The following PIGK variants were observed in gnomAD, a reference collection of about 807,000 sequenced individuals.
PIGK encodes the protein phosphatidylinositol glycan anchor biosynthesis class K.
In PIGK, 42 loss-of-function variants were observed where a neutral mutation model predicts 50.6. The ratio of observed to expected loss-of-function variants is 0.83; its 90% CI spans 0.65 to 1.07. The LOEUF (loss-of-function observed/expected upper bound fraction) is 1.07, where lower values mean the gene tolerates loss of function less well. PIGK is among the 50% of genes least tolerant of loss of function. PIGK has a pLI of 0.00. For synonymous variants in PIGK, 151 were observed against 156.0 expected (o/e 0.97, Z 0.24); for missense variants, 448 against 488.7 (o/e 0.92, Z 0.78).
intron 6 of PIGK, among the ~76,000 whole-genome samples, chr1:77,163,609 T>C (rs547214297): frequency 2.6e-5 from 4 of 152,254 alleles, no homozygotes; most frequent in Non-Finnish European, 5.9e-5. Context: ...CTAAAAAAGA[T>C]GCTAAATAAC....
intron 9 of PIGK, among the ~76,000 whole-genome samples, chr1:77,151,525 C>T (rs1408716653): frequency 6.6e-6 from 1 of 152,058 alleles, no homozygotes; most frequent in Middle Eastern, 3.4e-3. Context: ...AGAAATAAGG[C>T]GTGTCCAAAT....
chr1:77,115,351 G>A (rs1384764190), intron 10 of PIGK, among the ~76,000 whole-genome samples: 1 of 152,054 alleles, frequency 6.6e-6, no homozygotes, highest in Non-Finnish European at 1.5e-5. Context: ...GGCAGAGACT[G>A]CAAATAATTC....
At chr1:77,115,880 A>G (rs1032499262) in intron 10 of PIGK, among the ~76,000 whole-genome samples, 2 of 152,132 alleles carry the variant, frequency 1.3e-5, no homozygotes, top group Non-Finnish European at 2.9e-5. Context: ...AAAAATAGAA[A>G]TCTTGCAACG....
chr1:77,204,896 T>C (rs192975844), intron 3 of PIGK, among the ~76,000 whole-genome samples: 38 of 152,350 alleles, frequency 2.5e-4, no homozygotes, highest in African/African-American at 7.9e-4. Context: ...TATTGATTTC[T>C]ATTTATTAAA....
At chr1:77,161,794 T>A (rs1655134852) in intron 6 of PIGK, 83 bp from the exon 7 acceptor site, 1 of 721,272 alleles carries the variant, frequency 1.4e-6, no homozygotes, top group Non-Finnish European at 2.5e-6. Flanking sequence ...TTGTAAGATG[T>A]TTAAATCATA....
In PIGK at chr1:77,219,407, A is replaced by T. The variant is rs776826885; in HGVS notation, c.-5T>A. On this transcript the variant is annotated 5_prime_UTR_variant, in exon 1 of 11. Transcript: ENST00000370812. ...GAGGCTGTCGGTGACGGCCATGTTTACCGGCTTCAGACTTCCCGCACCTGA... is the reference window on the plus strand; with the variant it reads ...GAGGCTGTCGGTGACGGCCATGTTTTCCGGCTTCAGACTTCCCGCACCTGA... 1 of 1,612,658 alleles carries T rather than the reference A, an allele frequency of 6.2e-7. No individual in the cohort carries two copies. Among genetic ancestry groups the T allele is most frequent in the Non-Finnish European group, 8.5e-7 (1 of 1,179,190 alleles).
At chr1:77,200,773 T>C (rs1019479588) in intron 3 of PIGK, among the ~76,000 whole-genome samples, 2 of 152,182 alleles carry the variant, frequency 1.3e-5, no homozygotes, top group African/African-American at 4.8e-5. Context: ...CCTATTTTTA[T>C]TAATATTTAA....
chr1:77,149,363 C>T (rs1654843248), intron 9 of PIGK, among the ~76,000 whole-genome samples: 1 of 151,944 alleles, frequency 6.6e-6, no homozygotes. Flanking sequence ...AAGAAACTCA[C>T]TTCACCTATA....
intron 8 of PIGK, among the ~76,000 whole-genome samples, chr1:77,155,664 G>A (rs1282336225): frequency 6.6e-6 from 1 of 151,872 alleles, no homozygotes; most frequent in Non-Finnish European, 1.5e-5. Context: ...CCTAATAAAA[G>A]AGCAGTTGCA....
chr1:77,161,515 T>C, intron 7 of PIGK, 79 bp downstream of exon 7: 1 of 951,992 alleles, frequency 1.1e-6, no homozygotes, highest in South Asian at 1.3e-5. Context: ...AACAGATACA[T>C]TCATAAAGCA....
At chr1:77,107,668 T>G (rs1269193154) in intron 10 of PIGK, among the ~76,000 whole-genome samples, 1 of 152,194 alleles carries the variant, frequency 6.6e-6, no homozygotes, top group Non-Finnish European at 1.5e-5. Context: ...CTTGTTGATC[T>G]GTCTAATGTT....
chr1:77,206,718 C>G lies in PIGK; in HGVS notation c.161G>C (p.Arg54Pro). 6.2e-7 allele frequency: 1 copy of G among 1,606,830 alleles called. No homozygotes were observed. The highest frequency in any genetic ancestry group is 1.1e-5 in the South Asian group (1 of 90,910). ...NNWAVLVCTS[R>P]FWFNYRHVAN... ...AACATGTCGATAATTAAACCAGAAT[C>G]GGGATGTACACACCTGAAGTATTAA... The change falls in exon 3 of 11, where the codon CGA becomes CCA. Residue 54 changes from arginine to proline, a missense_variant. Physicochemically the swap from Arg to Pro is moderately radical, Grantham distance 103. Coordinates refer to ENST00000370812, the MANE Select transcript of PIGK (RefSeq NM_005482.3).
At chr1:77,163,347 C>G (rs1355887721) in intron 6 of PIGK, among the ~76,000 whole-genome samples, 2 of 152,118 alleles carry the variant, frequency 1.3e-5, no homozygotes, top group African/African-American at 4.8e-5. Flanking sequence ...TTTTCACTTA[C>G]AGTCATATGC....
At chr1:77,162,409 G>T (rs558749966) in intron 6 of PIGK, among the ~76,000 whole-genome samples, 1 of 152,150 alleles carries the variant, frequency 6.6e-6, no homozygotes, top group African/African-American at 2.4e-5. Flanking sequence ...ATAAGTGCTT[G>T]GGAACAGATC....
At chr1:77,161,807 T>G in intron 6 of PIGK, 96 bp from the exon 7 acceptor site, 1 of 692,222 alleles carries the variant, frequency 1.4e-6, no homozygotes, top group Non-Finnish European at 2.6e-6. Context: ...AAATCATATC[T>G]TAGTCATTTC....
intron 9 of PIGK, among the ~76,000 whole-genome samples, chr1:77,142,902 T>C (rs1417978742): frequency 6.6e-6 from 1 of 152,126 alleles, no homozygotes; most frequent in Non-Finnish European, 1.5e-5. Context: ...TTCATCTCCG[T>C]GCTCTTTCTA....
At position 77,114,379 on chromosome 1, in the gene PIGK, T is replaced by C. The variant is rs116142129; in HGVS notation, c.1071+7896A>G. The stretch of plus-strand genomic sequence containing the variant: ...CATTATCATTATCAACTGTAAAATA[T>C]GTTTTGCACCTATTTACAGTTGTAC... On this transcript the variant is annotated intron_variant, in intron 10 of 10. Transcript: ENST00000370812. Among the ~76,000 whole-genome samples, 432 of 152,290 alleles carry C rather than the reference T, an allele frequency of 2.8e-3. 1 individual carries two copies. The highest frequency in any genetic ancestry group is 9.2e-3 in the African/African-American group (383 of 41,578).
At chr1:77,179,641 GTC>G (rs1206197311) in intron 3 of PIGK, among the ~76,000 whole-genome samples, 1 of 151,844 alleles carries the variant, frequency 6.6e-6, no homozygotes, top group East Asian at 1.9e-4. Context: ...CTGCACTGGA[GTC>G]TCTCAGAATC....
intron 9 of PIGK, among the ~76,000 whole-genome samples, chr1:77,128,443 T>A (rs550276724): frequency 1.3e-5 from 2 of 152,322 alleles, no homozygotes; most frequent in South Asian, 2.1e-4. Context: ...AGCAACTCAG[T>A]AAAGCTGATA....
Sources: gnomAD v4.1 joint callset for allele counts (sites outside exome capture counted in the v4.1 genomes callset) on GRCh38, gnomAD v4.1.1 for gene constraint, MANE v1.5 for transcripts, NCBI Gene and HGNC (gene_info 2026-07-23, HGNC 2026-07-21) for gene names.